Variants in DOCK8 observed in about 807,000 individuals in gnomAD.
The protein encoded by DOCK8 is dedicator of cytokinesis protein 8.
DOCK8 carries 141 observed loss-of-function variants against 245.6 expected under a neutral mutation model. That is an observed-to-expected ratio of 0.57 (90% confidence interval 0.50 to 0.66). DOCK8 has a LOEUF of 0.66. DOCK8 is among the 30% of genes least tolerant of loss of function. The pLI is 0.00. For missense variants in DOCK8, 2,965 were observed against 2,603.4 expected (o/e 1.14, Z -3.02); for synonymous variants, 1,168 against 970.2 (o/e 1.20, Z -3.79).
chr9:312,656 C>G lies in DOCK8; in HGVS notation c.741+490C>G, dbSNP rs139527281. The G allele has an allele frequency of 1.2e-3, 420 of 355,000 alleles. 2 individuals carry two copies. Among genetic ancestry groups the G allele is most frequent in the African/African-American group, 8.6e-3 (402 of 46,806 alleles). 22.0% of individuals were successfully genotyped at this position (355,000 alleles called of 1,614,324 possible). On this transcript the variant is annotated intron_variant, in intron 6 of 47. Coordinates refer to ENST00000432829, the MANE Select transcript of DOCK8 (RefSeq NM_203447.4). Reference sequence around the variant, plus strand: ...GCTAGGATAATCACAGCCCATGCTCCCAATGTATAGAACTTTGGGATCTTG... The same window carrying G: ...GCTAGGATAATCACAGCCCATGCTCGCAATGTATAGAACTTTGGGATCTTG...
intron 28 of DOCK8, among the ~76,000 whole-genome samples, chr9:413,366 A>G (rs2055836807): frequency 6.6e-6 from 1 of 152,192 alleles, no homozygotes; most frequent in African/African-American, 2.4e-5. Flanking sequence ...CTTAGATATG[A>G]CACACTCGAA....
At chr9:415,052 A>G (rs1424206264) in intron 29 of DOCK8, 101 bp downstream of exon 29, 2 of 1,498,358 alleles carry the variant, frequency 1.3e-6, no homozygotes, top group Non-Finnish European at 1.8e-6. Context: ...TGATATGTTC[A>G]TATGAGCAAT....
At chr9:368,546 C>T (rs953152457) in intron 15 of DOCK8, 38 of 449,438 alleles carry the variant, frequency 8.5e-5, no homozygotes, top group Non-Finnish European at 1.1e-4. Context: ...ACTCAAGCCT[C>T]GGACCACAGT....
intron 46 of DOCK8, among the ~76,000 whole-genome samples, chr9:455,181 G>T (rs542576736): frequency 6.6e-6 from 1 of 152,110 alleles, no homozygotes; most frequent in Non-Finnish European, 1.5e-5. Flanking sequence ...GTTCTTACAC[G>T]TCACCTGAGG....
At chr9:291,407 C>G (rs2049032150) in intron 4 of DOCK8, among the ~76,000 whole-genome samples, 1 of 152,056 alleles carries the variant, frequency 6.6e-6, no homozygotes, top group African/African-American at 2.4e-5. Context: ...TGATGTCTGT[C>G]CTTTGAATAG....
intron 11 of DOCK8, among the ~76,000 whole-genome samples, chr9:336,121 T>A (rs2051297717): frequency 6.6e-6 from 1 of 152,204 alleles, no homozygotes; most frequent in African/African-American, 2.4e-5. Flanking sequence ...AGCAGAGGAA[T>A]GCTGGGATTC....
intron 44 of DOCK8, among the ~76,000 whole-genome samples, chr9:447,035 C>T (rs892082252): frequency 5.9e-5 from 9 of 152,130 alleles, no homozygotes; most frequent in Non-Finnish European, 1.3e-4. Flanking sequence ...CCCAGTGAGG[C>T]GGTGGTGTGC....
intron 5 of DOCK8, among the ~76,000 whole-genome samples, chr9:311,007 C>T (rs774162464): frequency 7.9e-5 from 12 of 152,120 alleles, no homozygotes; most frequent in South Asian, 2.1e-4. Flanking sequence ...TAAATGGGGC[C>T]GGGCGCAGTG....
At chr9:426,502 T>G (rs1260759128) in intron 33 of DOCK8, among the ~76,000 whole-genome samples, 1 of 152,220 alleles carries the variant, frequency 6.6e-6, no homozygotes, top group Non-Finnish European at 1.5e-5. Context: ...GGCTTCCCCT[T>G]ACTCAGATCT....
Position 399,019 on chromosome 9 carries a change from C to A in DOCK8, c.3121-127C>A, listed in dbSNP as rs1030970134. ...TTAAAGGAGACTCAACTACTTCGCC[C>A]AGTGCCACCCAGAAGGACAGTGGCT... On this transcript the variant is annotated intron_variant, in intron 25 of 47. Coordinates refer to ENST00000432829, the MANE Select transcript of DOCK8 (RefSeq NM_203447.4). The A allele has an allele frequency of 3.7e-6, 3 of 812,144 alleles. No homozygotes were observed. The African/African-American group carries it at 5.1e-5, about 14-fold the overall frequency. 50.3% of individuals were successfully genotyped at this position (812,144 alleles called of 1,614,324 possible).
At chr9:273,388 G>C (rs2048220020) in intron 2 of DOCK8, among the ~76,000 whole-genome samples, 1 of 152,186 alleles carries the variant, frequency 6.6e-6, no homozygotes. Flanking sequence ...AGATAAATTA[G>C]ATATGCTTAT....
At chr9:421,786 A>T (rs1390965893) in intron 32 of DOCK8, among the ~76,000 whole-genome samples, 6 of 152,204 alleles carry the variant, frequency 3.9e-5, no homozygotes, top group African/African-American at 1.4e-4. Context: ...CCAGAGTTTC[A>T]CAGGAATCCT....
chr9:373,722 A>T (rs922884831), intron 18 of DOCK8, among the ~76,000 whole-genome samples: 3 of 152,208 alleles, frequency 2.0e-5, no homozygotes, highest in Non-Finnish European at 4.4e-5. Context: ...TAAAGAGAGA[A>T]CCAACTTTTG....
intron 4 of DOCK8, among the ~76,000 whole-genome samples, chr9:299,657 C>T (rs1473987330): frequency 6.6e-6 from 1 of 151,822 alleles, no homozygotes; most frequent in Non-Finnish European, 1.5e-5. Flanking sequence ...CCCAATTTAG[C>T]CTGCGTTTCA....
Position 377,136 on chromosome 9 carries a change from G to A in DOCK8, c.2365G>A (p.Val789Met), listed in dbSNP as rs531535885. The A allele has an allele frequency of 1.7e-5, 27 of 1,608,492 alleles. No individual in the cohort carries two copies. Among genetic ancestry groups the A allele is most frequent in the South Asian group, 8.8e-5 (8 of 90,940 alleles). ...GAACTCCTCCCGCCTGGAGCCGCTCGTGCTCTTCCTGCACCTGGTGCTGGA... is the reference window on the plus strand; with the variant it reads ...GAACTCCTCCCGCCTGGAGCCGCTCATGCTCTTCCTGCACCTGGTGCTGGA... ...CLNSSRLEPLVLFLHLVLDKL... is the reference protein window; with the variant it reads ...CLNSSRLEPLMLFLHLVLDKL... The change falls in exon 20 of 48, where the codon GTG becomes ATG. Residue 789 changes from valine to methionine, a missense_variant. Val to Met is a conservative substitution (Grantham distance 21, BLOSUM62 1). Transcript: ENST00000432829.
intron 1 of DOCK8, among the ~76,000 whole-genome samples, chr9:245,721 A>G (rs943389711): frequency 6.6e-6 from 1 of 152,190 alleles, no homozygotes; most frequent in Non-Finnish European, 1.5e-5. Flanking sequence ...TGAAGCATTT[A>G]TTTAGTGCCA....
chr9:238,691 A>G (rs974337894), intron 1 of DOCK8, among the ~76,000 whole-genome samples: 4 of 152,344 alleles, frequency 2.6e-5, no homozygotes, highest in South Asian at 2.1e-4. Context: ...GTTCCAGTAC[A>G]TATGTGATGG....
intron 8 of DOCK8, among the ~76,000 whole-genome samples, chr9:326,398 C>T (rs938929328): frequency 2.6e-5 from 4 of 152,108 alleles, no homozygotes; most frequent in African/African-American, 4.8e-5. Flanking sequence ...AAGCAGAACC[C>T]AATCTCAGTG....
At chr9:286,402 T>C (rs945739537) in intron 2 of DOCK8, 59 bp from the exon 3 acceptor site, 25 of 1,589,428 alleles carry the variant, frequency 1.6e-5, no homozygotes, top group East Asian at 2.2e-5. Flanking sequence ...ACTATTGCCT[T>C]TGTGCTTTTA....
Sources: allele counts gnomAD v4.1 joint callset (sites outside exome capture counted in the v4.1 genomes callset), GRCh38; gene constraint gnomAD v4.1.1; transcripts MANE v1.5; gene names NCBI Gene and HGNC (gene_info 2026-07-23, HGNC 2026-07-21).